ABLIM1: variants seen among roughly 807,000 people sequenced by gnomAD.
ABLIM1 encodes actin binding LIM protein 1.
In ABLIM1, 40 loss-of-function variants were observed where a neutral mutation model predicts 107.0. That is an observed-to-expected ratio of 0.37 (90% CI 0.29 to 0.49). The LOEUF (loss-of-function observed/expected upper bound fraction) is 0.49, where lower values mean the gene tolerates loss of function less well. Among genes scored for constraint, ABLIM1 ranks in the 20% least tolerant of loss-of-function variants. The pLI is 0.97. For missense variants in ABLIM1, 857 were observed against 1,008.5 expected (o/e 0.85, Z 2.04); for synonymous variants, 357 against 357.3 (o/e 1.00, Z 0.01).
chr10:114,683,504 G>T (rs2080835891), intron 1 of ABLIM1, among the ~76,000 whole-genome samples: 1 of 152,122 alleles, frequency 6.6e-6, no homozygotes, highest in Non-Finnish European at 1.5e-5. Context: ...CGGCTCCCCA[G>T]TCCTACCAGT....
rs142235771 is a variant in ABLIM1, at chr10:114,707,306, C to G, written c.-213+60755G>C. Among the ~76,000 whole-genome samples, 1 of 152,134 alleles carries G rather than the reference C, an allele frequency of 6.6e-6. No homozygotes were observed. The highest frequency in any genetic ancestry group is 1.5e-5 in the Non-Finnish European group (1 of 68,038). On this transcript the variant is annotated intron_variant, in intron 1 of 15. Transcript: ENST00000651092. The surrounding 1 kb of genome is among the most constrained non-coding windows in gnomAD (Gnocchi z 4.1). The stretch of plus-strand genomic sequence containing the variant: ...GGAGTGCAGTGGTGCAGTCTCAGCT[C>G]ACTGCAATCTCTGCCTCCCAGGTTC...
intron 1 of ABLIM1, among the ~76,000 whole-genome samples, chr10:114,713,869 A>G (rs976059299): frequency 6.6e-6 from 1 of 152,238 alleles, no homozygotes; most frequent in African/African-American, 2.4e-5. Flanking sequence ...CAAAAAATTT[A>G]CACAACAGAT....
intron 6 of ABLIM1, among the ~76,000 whole-genome samples, chr10:114,522,030 G>A (rs2063822408): frequency 6.6e-6 from 1 of 152,168 alleles, no homozygotes; most frequent in South Asian, 2.1e-4. Flanking sequence ...TCTGGAGGAA[G>A]AATGTGCCAG....
At position 114,449,853 on chromosome 10, in the gene ABLIM1, C is replaced by T. The variant is rs541489692; in HGVS notation, c.1594+1771G>A. On this transcript the variant is annotated intron_variant, in intron 14 of 22. Transcript: ENST00000533213. The stretch of plus-strand genomic sequence containing the variant: ...TCTTTGGCATGGAATGGCTGTTTTG[C>T]AAAAACATCCTTTGGAAAGCGCTGC... Among the ~76,000 whole-genome samples the T allele has an allele frequency of 1.4e-3, 219 of 152,238 alleles. 1 individual carries two copies. The highest frequency in any genetic ancestry group is 5.0e-3 in the African/African-American group (206 of 41,556).
chr10:114,603,090 G>A (rs2076147387), intron 1 of ABLIM1, among the ~76,000 whole-genome samples: 1 of 152,172 alleles, frequency 6.6e-6, no homozygotes, highest in African/African-American at 2.4e-5. Flanking sequence ...TATGGGACAA[G>A]AACATTGAAC....
At chr10:114,561,207 T>C (rs914406389) in intron 4 of ABLIM1, among the ~76,000 whole-genome samples, 1 of 152,244 alleles carries the variant, frequency 6.6e-6, no homozygotes, top group Non-Finnish European at 1.5e-5. Context: ...GAGGAAATCA[T>C]ACTTGAGTTC....
intron 1 of ABLIM1, among the ~76,000 whole-genome samples, chr10:114,766,949 T>G (rs1358164082): frequency 6.6e-6 from 1 of 152,128 alleles, no homozygotes; most frequent in Non-Finnish European, 1.5e-5. Context: ...CAATATAAAT[T>G]CTGTCATTCC....
At chr10:114,790,963 T>C in the ABLIM1 span, among the ~76,000 whole-genome samples, 1 of 152,188 alleles carries the variant, frequency 6.6e-6, no homozygotes, top group Non-Finnish European at 1.5e-5. Context: ...TTTTATCTGA[T>C]TCTCAAAGGG....
Position 114,441,785 on chromosome 10 carries a change from A to C in ABLIM1, c.1935T>G (p.Ala645=). 1.2e-6 allele frequency: 2 copies of C among 1,613,824 alleles called. No homozygotes were observed. The highest frequency in any genetic ancestry group is 1.7e-6 in the Non-Finnish European group (2 of 1,179,690). The change falls in exon 18 of 23, where the codon GCT becomes GCG. Residue 645 remains alanine (A), a splice_region_variant and synonymous_variant. Transcript: ENST00000533213. ...CAGTTTTAGATGATGGAATATGTGA[A>C]GCTGAGTAAGAAAAAAGTAAAAAAC... is the stretch of plus-strand genomic sequence containing the variant. The part of the protein sequence containing the change: ...ASRYDSPINS[A]SHIPSSKTAS...
chr10:114,650,511 A>T (rs1431202680), intron 1 of ABLIM1, among the ~76,000 whole-genome samples: 2 of 152,220 alleles, frequency 1.3e-5, no homozygotes, highest in African/African-American at 2.4e-5. Flanking sequence ...TTACATGGGA[A>T]CATTTCATGT....
At chr10:114,768,561 A>C (rs1566322585), upstream of ABLIM1, among the ~76,000 whole-genome samples, 1 of 152,124 alleles carries the variant, frequency 6.6e-6, no homozygotes, top group African/African-American at 2.4e-5. Flanking sequence ...CAGGAGAGCG[A>C]AGACCACGGT....
chr10:114,526,669 G>A (rs1268185855), intron 6 of ABLIM1: 1 of 985,516 alleles, frequency 1.0e-6, no homozygotes, highest in Non-Finnish European at 1.2e-6. Flanking sequence ...CCTCAGGCCA[G>A]GGTTCCTTTT....
rs557592934 is a variant in ABLIM1 at position 114,663,499 on chromosome 10, C to T, written c.64+20791G>A. Among the ~76,000 whole-genome samples the T allele has an allele frequency of 2.1e-3, 324 of 152,312 alleles. 1 individual carries two copies. The highest frequency in any genetic ancestry group is 3.4e-3 in the Middle Eastern group (1 of 294). ...GTCACTGTGAAAAGAGTAGCCAATA[C>T]TTGAAAAGGCAGATATCAAAGACAA... On this transcript the variant is annotated intron_variant, in intron 1 of 23. Transcript: ENST00000369256.
chr10:114,763,096 C>T (rs808298), intron 1 of ABLIM1, among the ~76,000 whole-genome samples: 107,100 of 152,102 alleles, frequency 0.7, 37,837 homozygotes, highest in Non-Finnish European at 0.73. Flanking sequence ...AGCAGTTTCA[C>T]TGAGTGATTG....
intron 22 of ABLIM1, among the ~76,000 whole-genome samples, chr10:114,437,033 C>T (rs2059508821): frequency 6.6e-6 from 1 of 152,120 alleles, no homozygotes; most frequent in African/African-American, 2.4e-5. Flanking sequence ...ATCTTGGGTA[C>T]ATGTACCCAG....
the ABLIM1 span, among the ~76,000 whole-genome samples, chr10:114,781,729 G>A: frequency 1.3e-5 from 2 of 148,864 alleles, no homozygotes; most frequent in Admixed American, 6.7e-5. Context: ...GTGCTCTAAT[G>A]ATTGAAAAGG....
chr10:114,763,450 T>A (rs1185315602), intron 1 of ABLIM1, among the ~76,000 whole-genome samples: 2 of 152,008 alleles, frequency 1.3e-5, no homozygotes, highest in East Asian at 1.9e-4. Context: ...TGCAGTGACA[T>A]GATCTTGGCT....
At chr10:114,712,469 A>T (rs918881297) in intron 1 of ABLIM1, among the ~76,000 whole-genome samples, 21 of 152,162 alleles carry the variant, frequency 1.4e-4, no homozygotes, top group Non-Finnish European at 2.1e-4. Flanking sequence ...TCAAGCCAAC[A>T]TAATAAATGC....
the ABLIM1 span, among the ~76,000 whole-genome samples, chr10:114,784,387 G>A: frequency 2.8e-5 from 4 of 141,558 alleles, no homozygotes; most frequent in South Asian, 2.1e-4. Context: ...GAAATGGGCC[G>A]GGCATGGTAG....
Sources: allele counts gnomAD v4.1 joint callset (sites outside exome capture counted in the v4.1 genomes callset), GRCh38; gene constraint gnomAD v4.1.1; non-coding constraint Gnocchi (gnomAD v3.1); transcripts MANE v1.5; gene names NCBI Gene and HGNC (gene_info 2026-07-23, HGNC 2026-07-21).